The following SLC44A1 variants were observed in gnomAD, a reference collection of about 807,000 sequenced individuals.
The protein encoded by SLC44A1 is solute carrier family 44 member 1, also known as choline transporter-like protein 1.
Under a neutral mutation model 79.3 loss-of-function variants are expected in SLC44A1, and 26 were observed. The observed-to-expected ratio is 0.33, with a 90% CI of 0.24 to 0.46. The LOEUF (loss-of-function observed/expected upper bound fraction) is 0.46. Ranked by LOEUF, SLC44A1 falls within the 20% of genes least tolerant of loss-of-function variation. The probability of loss-of-function intolerance (pLI) is 1.00; values close to 1 mark genes in which losing one functional copy is unlikely to be tolerated. For missense variants in SLC44A1, 688 were observed against 798.1 expected (o/e 0.86, Z 1.66); for synonymous variants, 263 against 286.2 (o/e 0.92, Z 0.82).
intron 1 of SLC44A1, among the ~76,000 whole-genome samples, chr9:105,245,441 C>T (rs1440792494): frequency 1.3e-5 from 2 of 152,244 alleles, no homozygotes; most frequent in African/African-American, 4.8e-5. Context: ...TGCCCCCTGG[C>T]TGGGTTCAGA....
chr9:105,391,491 T>G lies in SLC44A1; in HGVS notation c.*2435T>G. Reference sequence around the variant, plus strand: ...GCTGTTTTCCTTAAGTAAATTCATGTGCCGTGTAGAAATATGCAGATATGC... The same window carrying G: ...GCTGTTTTCCTTAAGTAAATTCATGGGCCGTGTAGAAATATGCAGATATGC... On this transcript the variant is annotated 3_prime_UTR_variant, in exon 16 of 16. Coordinates refer to ENST00000374720, the MANE Select transcript of SLC44A1 (RefSeq NM_080546.5). 1 of 985,744 alleles carries G rather than the reference T, an allele frequency of 1.0e-6. No individual in the cohort carries two copies. Among genetic ancestry groups the G allele is most frequent in the Non-Finnish European group, 1.2e-6 (1 of 829,886 alleles). 61.1% of individuals were successfully genotyped at this position (985,744 alleles called of 1,614,324 possible).
At chr9:105,314,509 A>C (rs774858656) in intron 3 of SLC44A1, among the ~76,000 whole-genome samples, 1 of 152,216 alleles carries the variant, frequency 6.6e-6, no homozygotes, top group Admixed American at 6.5e-5. Context: ...TATCTCACAC[A>C]TCAGTATCAA....
intron 5 of SLC44A1, 107 bp downstream of exon 5, chr9:105,348,558 G>A: frequency 1.6e-6 from 1 of 634,992 alleles, no homozygotes. Context: ...CTGTTGGCCA[G>A]GTCCAATACT....
chr9:105,433,017 G>A (rs1181423642), intron 15 of SLC44A1, among the ~76,000 whole-genome samples: 3 of 152,064 alleles, frequency 2.0e-5, no homozygotes, highest in Admixed American at 6.6e-5. Context: ...ACAAATCGCC[G>A]GGCGTGGTGG....
At chr9:105,405,244 C>T (rs866978696) in intron 15 of SLC44A1, among the ~76,000 whole-genome samples, 3 of 151,040 alleles carry the variant, frequency 2.0e-5, no homozygotes, top group Non-Finnish European at 3.0e-5. Context: ...TCTCTTGAAT[C>T]GGGGAGGCGG....
chr9:105,279,251 C>G (rs1473672690), intron 1 of SLC44A1, among the ~76,000 whole-genome samples: 1 of 146,212 alleles, frequency 6.8e-6, no homozygotes, highest in Non-Finnish European at 1.5e-5. Flanking sequence ...ATAATATGCT[C>G]AAAAAACATT....
At chr9:105,317,053 T>G (rs1482819675) in intron 3 of SLC44A1, among the ~76,000 whole-genome samples, 1 of 152,186 alleles carries the variant, frequency 6.6e-6, no homozygotes, top group African/African-American at 2.4e-5. Context: ...CCAAGCTCAT[T>G]GAGGCTATTG....
intron 4 of SLC44A1, among the ~76,000 whole-genome samples, chr9:105,347,161 T>C (rs1227705385): frequency 6.6e-6 from 1 of 152,108 alleles, no homozygotes; most frequent in Non-Finnish European, 1.5e-5. Flanking sequence ...TCTCATATGG[T>C]CACATGCCTT....
At chr9:105,269,388 T>C (rs1221300317) in intron 1 of SLC44A1, among the ~76,000 whole-genome samples, 4 of 152,240 alleles carry the variant, frequency 2.6e-5, no homozygotes, top group East Asian at 1.9e-4. Context: ...AGCTGACCTG[T>C]ACTTTAGTCC....
At chr9:105,374,543 C>T in intron 12 of SLC44A1, 55 bp from the exon 13 acceptor site, 3 of 1,568,738 alleles carry the variant, frequency 1.9e-6, no homozygotes, top group Non-Finnish European at 2.6e-6. Context: ...CAGTTTCTAT[C>T]TTAACAAAGG....
chr9:105,327,344 G>A (rs779228122), intron 3 of SLC44A1, among the ~76,000 whole-genome samples: 1 of 152,032 alleles, frequency 6.6e-6, no homozygotes, highest in Non-Finnish European at 1.5e-5. Context: ...GTACAGTGGT[G>A]CAATCTCAAC....
intron 15 of SLC44A1, among the ~76,000 whole-genome samples, chr9:105,420,792 C>T (rs565248361): frequency 9.1e-5 from 12 of 131,572 alleles, no homozygotes; most frequent in Admixed American, 2.8e-4. Context: ...ACCCGGGAGG[C>T]GGAGGTTGCA....
intron 15 of SLC44A1, among the ~76,000 whole-genome samples, chr9:105,421,877 G>A (rs1432862732): frequency 6.6e-6 from 1 of 152,110 alleles, no homozygotes. Context: ...GTGAGCCACC[G>A]CGCCCAGCCA....
intron 15 of SLC44A1, among the ~76,000 whole-genome samples, chr9:105,425,114 T>G (rs1299614637): frequency 6.6e-6 from 1 of 152,184 alleles, no homozygotes; most frequent in African/African-American, 2.4e-5. Flanking sequence ...CAAAAATGAT[T>G]GTATTACCAT....
chr9:105,372,437 G>A (rs1000118917), intron 12 of SLC44A1, among the ~76,000 whole-genome samples: 13 of 151,980 alleles, frequency 8.6e-5, no homozygotes, highest in African/African-American at 3.1e-4. Flanking sequence ...ACAGGCGCAT[G>A]CCAGCACGCC....
At chr9:105,385,569 T>C in intron 15 of SLC44A1, 67 bp downstream of exon 15, 1 of 1,544,412 alleles carries the variant, frequency 6.5e-7, no homozygotes, top group South Asian at 1.2e-5. Context: ...TCTCTCTGTC[T>C]TCACTGACTG....
chr9:105,397,949 GAAAAAAAAA>G (rs904638767), downstream of SLC44A1, among the ~76,000 whole-genome samples: 14 of 148,590 alleles, frequency 9.4e-5, no homozygotes, highest in African/African-American at 3.6e-4. Context: ...CTCGGTCTCA[GAAAAAAAAA>G]AAAAAGAAAA....
At chr9:105,370,742 T>G (rs1828072071) in intron 12 of SLC44A1, among the ~76,000 whole-genome samples, 1 of 152,220 alleles carries the variant, frequency 6.6e-6, no homozygotes, top group Admixed American at 6.5e-5. Flanking sequence ...GTGGGTCCTT[T>G]CTTGCTTCCG....
At chr9:105,379,012 C>T (rs183386900) in intron 13 of SLC44A1, among the ~76,000 whole-genome samples, 27 of 152,324 alleles carry the variant, frequency 1.8e-4, no homozygotes, top group Non-Finnish European at 2.4e-4. Context: ...CTGTGGCTCA[C>T]GCCTGTAATC....
Sources: gnomAD v4.1 joint callset for allele counts (sites outside exome capture counted in the v4.1 genomes callset) on GRCh38, gnomAD v4.1.1 for gene constraint, MANE v1.5 for transcripts, NCBI Gene and HGNC (gene_info 2026-07-23, HGNC 2026-07-21) for gene names.